EFHD1: variants seen among roughly 807,000 people sequenced by gnomAD.
EFHD1 encodes the protein EF-hand domain family member D1, also known as EF-hand domain-containing protein D1.
In EFHD1, 10 loss-of-function variants were observed where a neutral mutation model predicts 17.2. The observed-to-expected ratio is 0.58, with a 90% CI of 0.36 to 0.99. The LOEUF is 0.99. EFHD1 is among the 50% of genes least tolerant of loss of function. The pLI, the probability that EFHD1 is intolerant of heterozygous loss-of-function variation, is 0.01. For synonymous variants in EFHD1, 153 were observed against 142.0 expected (o/e 1.08, Z -0.55); for missense variants, 310 against 327.5 (o/e 0.95, Z 0.41).
intron 1 of EFHD1, among the ~76,000 whole-genome samples, chr2:232,651,322 C>T (rs1463790222): frequency 6.6e-6 from 1 of 152,214 alleles, no homozygotes; most frequent in Non-Finnish European, 1.5e-5. Flanking sequence ...AATGTGATAG[C>T]ATTTTCATGG....
chr2:232,648,309 C>T (rs1408012741), intron 1 of EFHD1, among the ~76,000 whole-genome samples: 1 of 152,074 alleles, frequency 6.6e-6, no homozygotes, highest in Non-Finnish European at 1.5e-5. Context: ...AACTTTGGGT[C>T]AAAGCTTTTG....
chr2:232,659,837 C>T (rs1338715713), intron 1 of EFHD1, among the ~76,000 whole-genome samples: 2 of 152,178 alleles, frequency 1.3e-5, no homozygotes, highest in Admixed American at 6.5e-5. Context: ...CTGGGGAGGC[C>T]TCAGGAAACT....
intron 1 of EFHD1, among the ~76,000 whole-genome samples, chr2:232,660,411 G>A (rs1001260676): frequency 6.6e-6 from 1 of 151,798 alleles, no homozygotes; most frequent in Non-Finnish European, 1.5e-5. Flanking sequence ...AGCCAGGATG[G>A]TCTCGATCTT....
intron 3 of EFHD1, among the ~76,000 whole-genome samples, chr2:232,679,110 T>G (rs1695229236): frequency 6.6e-6 from 1 of 152,170 alleles, no homozygotes. Flanking sequence ...TTTTGTGGCT[T>G]AAGGGGCCAA....
At chr2:232,617,936 A>C (rs1414967206) in intron 1 of EFHD1, among the ~76,000 whole-genome samples, 1 of 123,054 alleles carries the variant, frequency 8.1e-6, no homozygotes, top group Non-Finnish European at 1.8e-5. Context: ...GTGGCAGAAC[A>C]AGACTCAGTC....
intron 3 of EFHD1, among the ~76,000 whole-genome samples, chr2:232,681,156 AAAATAAAT>A (rs901722508): frequency 1.3e-5 from 2 of 152,090 alleles, no homozygotes; most frequent in Non-Finnish European, 2.9e-5. Flanking sequence ...ACTCCATCTC[AAAATAAAT>A]AAATAAATAA....
intron 1 of EFHD1, among the ~76,000 whole-genome samples, chr2:232,642,168 A>C (rs1694444478): frequency 6.6e-6 from 1 of 152,034 alleles, no homozygotes. Flanking sequence ...GTGGATCACA[A>C]GGTCAGGAGC....
chr2:232,668,821 A>T (rs1969448), intron 2 of EFHD1, among the ~76,000 whole-genome samples: 102 of 151,652 alleles, frequency 6.7e-4, no homozygotes, highest in Non-Finnish European at 1.1e-3. Flanking sequence ...TTTAGTAGAG[A>T]TGGGGTTTCA....
rs1235518484 is a variant in EFHD1, at chr2:232,638,804, C to T, written c.302+4798C>T. 2.0e-5 allele frequency among the ~76,000 whole-genome samples: 3 copies of T among 152,214 alleles called. No homozygotes were observed. In the East Asian group the frequency reaches 5.8e-4, roughly 29 times the overall value. On this transcript the variant is annotated intron_variant, in intron 1 of 3. Transcript: ENST00000264059. ...AGGTACTGACTTGTCCTGGCTATAG[C>T]TTCAGTCAACAGTGATCACCTTAGA...
At chr2:232,678,962 G>A (rs146343282) in intron 3 of EFHD1, among the ~76,000 whole-genome samples, 14 of 152,282 alleles carry the variant, frequency 9.2e-5, no homozygotes, top group African/African-American at 3.1e-4. Flanking sequence ...AGTGCACTTA[G>A]ATCCTTTTGC....
At chr2:232,673,213 CAG>C (rs1320864816) in intron 3 of EFHD1, among the ~76,000 whole-genome samples, 1 of 152,154 alleles carries the variant, frequency 6.6e-6, no homozygotes, top group Admixed American at 6.6e-5. Context: ...CACAATGACA[CAG>C]AGAGGGTAGA....
upstream of EFHD1, among the ~76,000 whole-genome samples, chr2:232,630,950 G>T (rs558376068): frequency 4.6e-5 from 7 of 152,040 alleles, no homozygotes; most frequent in Non-Finnish European, 1.0e-4. Context: ...TACTGGCCGG[G>T]CACAGTAGCT....
At chr2:232,620,624 C>T (rs1694003607) in intron 1 of EFHD1, among the ~76,000 whole-genome samples, 1 of 151,916 alleles carries the variant, frequency 6.6e-6, no homozygotes, top group African/African-American at 2.4e-5. Flanking sequence ...GTAAGAGCTT[C>T]CCTTTCCTTT....
intron 3 of EFHD1, among the ~76,000 whole-genome samples, chr2:232,675,299 G>A (rs1363959188): frequency 6.6e-6 from 1 of 152,170 alleles, no homozygotes; most frequent in Non-Finnish European, 1.5e-5. Flanking sequence ...TCAGGAAACT[G>A]GGCCAGCACT....
intron 1 of EFHD1, among the ~76,000 whole-genome samples, chr2:232,653,799 C>G (rs957163737): frequency 2.6e-5 from 4 of 152,220 alleles, no homozygotes; most frequent in Non-Finnish European, 5.9e-5. Context: ...TGGTGGCTCT[C>G]AGCAGAACAC....
At chr2:232,642,787 G>A (rs1694456671) in intron 1 of EFHD1, among the ~76,000 whole-genome samples, 1 of 151,662 alleles carries the variant, frequency 6.6e-6, no homozygotes, top group Non-Finnish European at 1.5e-5. Flanking sequence ...CTGTTCCCGA[G>A]AGTCACCTCC....
intron 1 of EFHD1, among the ~76,000 whole-genome samples, chr2:232,641,577 A>G (rs1694432625): frequency 6.6e-6 from 1 of 152,214 alleles, no homozygotes; most frequent in South Asian, 2.1e-4. Flanking sequence ...TTTGGGCCCT[A>G]AGGTTTCTGT....
chr2:232,607,870 G>A (rs764677324), intron 1 of EFHD1, among the ~76,000 whole-genome samples: 3 of 151,972 alleles, frequency 2.0e-5, no homozygotes, highest in Non-Finnish European at 4.4e-5. Flanking sequence ...AAGTCGGGAG[G>A]ACAGCTTGAG....
At chr2:232,652,757 G>C (rs1327815763) in intron 1 of EFHD1, among the ~76,000 whole-genome samples, 1 of 152,072 alleles carries the variant, frequency 6.6e-6, no homozygotes. Context: ...TAGACATCAG[G>C]CATTTTGAGA....
Sources: allele counts gnomAD v4.1 joint callset (sites outside exome capture counted in the v4.1 genomes callset), GRCh38; gene constraint gnomAD v4.1.1; transcripts MANE v1.5; gene names NCBI Gene and HGNC (gene_info 2026-07-23, HGNC 2026-07-21).